Variants in SFMBT2 observed in about 807,000 individuals in gnomAD.
SFMBT2 encodes Scm like with four mbt domains 2.
Under a neutral mutation model 110.1 loss-of-function variants are expected in SFMBT2, and 38 were observed. That is an observed-to-expected ratio of 0.35 (90% CI 0.27 to 0.45). The LOEUF is 0.45. Among genes scored for constraint, SFMBT2 ranks in the 20% least tolerant of loss-of-function variants. The pLI, the probability that SFMBT2 is intolerant of heterozygous loss-of-function variation, is 1.00. For synonymous variants in SFMBT2, 425 were observed against 425.4 expected (o/e 1.00, Z 0.01); for missense variants, 1,011 against 1,094.9 (o/e 0.92, Z 1.08).
intron 4 of SFMBT2, among the ~76,000 whole-genome samples, chr10:7,340,300 A>G (rs920412576): frequency 6.6e-6 from 1 of 152,070 alleles, no homozygotes; most frequent in South Asian, 2.1e-4. Context: ...GGTGAGGAGG[A>G]GGAGGAGGAG....
chr10:7,317,349 G>A (rs182445287), intron 4 of SFMBT2, among the ~76,000 whole-genome samples: 176 of 152,148 alleles, frequency 1.2e-3, no homozygotes, highest in African/African-American at 3.9e-3. Flanking sequence ...AATTCCAAGC[G>A]AAGACATATC....
In SFMBT2 at chr10:7,370,346, A is replaced by G. The variant is rs1430987572; in HGVS notation, c.130T>C (p.Phe44Leu). ...EEGSSLEETG[F>L]NWGEYLEETG... ...TCTTCCAAATATTCTCCCCAGTTAA[A>G]GCCAGTTTCCTCCAAGCTTGAGCCT... The change falls in exon 3 of 21, where the codon TTT (phenylalanine) becomes CTT (leucine). Residue 44 changes from phenylalanine (F) to leucine (L), a missense_variant. Phe to Leu is a conservative substitution (Grantham distance 22, BLOSUM62 0). Around this residue, in one of 2 missense-constraint regions of SFMBT2, gnomAD observed 979 missense variants for 1,016.1 expected, o/e 0.96. Coordinates refer to ENST00000397167, the MANE Select transcript of SFMBT2 (RefSeq NM_001387889.1). 2.5e-6 allele frequency: 4 copies of G among 1,614,146 alleles called. No homozygotes were observed. Among genetic ancestry groups the G allele is most frequent in the Non-Finnish European group, 3.4e-6 (4 of 1,180,010 alleles).
chr10:7,370,519 G>C (rs1845032578), intron 2 of SFMBT2, 144 bp from the exon 3 acceptor site: 3 of 689,162 alleles, frequency 4.4e-6, no homozygotes, highest in Non-Finnish European at 7.3e-6. Flanking sequence ...TTTTTGCAAA[G>C]CTTCAGTCTG....
Position 7,202,511 on chromosome 10 carries a change from T to C in SFMBT2, c.1456A>G (p.Arg486Gly), listed in dbSNP as rs368500412. ...APHKTVSQKK[R>G]KIAVVQPEKQ... ...TCTGGTTGCACGACTGCAATCTTTC[T>C]CTTCTTTTGTGCTGTAGAAAAGGCA... Residue 486 changes from arginine (R) to glycine (G), a missense_variant, in exon 13 of 21, where the codon AGA becomes GGA. Arg to Gly is a moderately radical substitution (Grantham distance 125). This residue lies in a region of SFMBT2 where 979 missense variants were observed against 1,016.1 expected (regional missense o/e 0.96). Transcript: ENST00000397167. 3.0e-5 allele frequency: 48 copies of C among 1,614,098 alleles called. 1 individual carries two copies. The highest frequency in any genetic ancestry group is 2.0e-4 in the South Asian group (18 of 91,088).
Position 7,291,097 on chromosome 10 carries a change from G to A in SFMBT2, c.437-5143C>T, listed in dbSNP as rs182086160. On this transcript the variant is annotated intron_variant, in intron 4 of 20. Transcript: ENST00000397167. ...ACAAGGAGACCCATGCTGGGGTCAG[G>A]AGGACAAGCACTGTCAGCCTAGGCT... 2.6e-5 allele frequency among the ~76,000 whole-genome samples: 4 copies of A among 152,298 alleles called. No individual in the cohort carries two copies. The East Asian group carries it at 5.8e-4, about 22-fold the overall frequency.
At chr10:7,329,731 G>T (rs1843509538) in intron 4 of SFMBT2, 1 of 153,262 alleles carries the variant, frequency 6.5e-6, no homozygotes, top group Non-Finnish European at 1.4e-5. Context: ...ATGCAGCATG[G>T]CGGCCTCACA....
intron 1 of SFMBT2, among the ~76,000 whole-genome samples, chr10:7,389,059 T>G (rs377579381): frequency 2.0e-5 from 3 of 152,206 alleles, no homozygotes; most frequent in African/African-American, 7.2e-5. Flanking sequence ...GTTAACAAAA[T>G]GCAATCTTTT....
At chr10:7,187,446 G>A (rs937820312) in intron 16 of SFMBT2, among the ~76,000 whole-genome samples, 1 of 152,192 alleles carries the variant, frequency 6.6e-6, no homozygotes, top group Non-Finnish European at 1.5e-5. Flanking sequence ...TGAGAAAGAA[G>A]GAAATGATGA....
intron 2 of SFMBT2, among the ~76,000 whole-genome samples, chr10:7,374,959 C>T (rs1187882939): frequency 1.3e-5 from 2 of 152,128 alleles, no homozygotes; most frequent in Non-Finnish European, 2.9e-5. Context: ...CTCATAAACC[C>T]AGAGCAAATA....
chr10:7,203,999 G>A (rs558560229), intron 12 of SFMBT2: 293 of 236,518 alleles, frequency 1.2e-3, no homozygotes, highest in Non-Finnish European at 1.7e-3. Flanking sequence ...TTATAGACGT[G>A]AGCCACCACG....
intron 4 of SFMBT2, among the ~76,000 whole-genome samples, chr10:7,361,567 G>A (rs1844719901): frequency 6.6e-6 from 1 of 152,118 alleles, no homozygotes; most frequent in African/African-American, 2.4e-5. Flanking sequence ...CACACTTCAT[G>A]AATAAACATT....
Position 7,159,084 on chromosome 10 carries a change from T to C in SFMBT2, c.*4686A>G, listed in dbSNP as rs1332407608. On this transcript the variant is annotated 3_prime_UTR_variant, in exon 21 of 21. Transcript: ENST00000397167. ...AACGATTGTCCTAGAATTTTCCTTT[T>C]TTCGTCAGCACATCGCTTCAGCCAC... The C allele has an allele frequency of 4.6e-5, 7 of 152,226 alleles. No homozygotes were observed. The highest frequency in any genetic ancestry group is 4.1e-4 in the South Asian group (2 of 4,834). The allele number at this position is 152,226 out of a possible 1,614,324, so 9.4% of individuals were successfully genotyped here.
In SFMBT2 at chr10:7,162,411, G is replaced by A. The variant is rs1033564083; in HGVS notation, c.*1359C>T. On this transcript the variant is annotated 3_prime_UTR_variant, in exon 21 of 21. Coordinates refer to ENST00000397167, the MANE Select transcript of SFMBT2 (RefSeq NM_001387889.1). Reference sequence around the variant, plus strand: ...CAGGAATGGAGGTCCAGAGTGATGAGAAGTCACCCAAGATCTCAGAGTTTG... The same window carrying A: ...CAGGAATGGAGGTCCAGAGTGATGAAAAGTCACCCAAGATCTCAGAGTTTG... 9 of 152,322 alleles carry A rather than the reference G, an allele frequency of 5.9e-5. No individual in the cohort carries two copies. Among genetic ancestry groups the A allele is most frequent in the Non-Finnish European group, 8.8e-5 (6 of 68,082 alleles). 9.4% of individuals were successfully genotyped at this position (152,322 alleles called of 1,614,324 possible). A position where few individuals can be genotyped will look rare whatever the true frequency, so the allele number is the denominator to read the frequency against.
Position 7,162,148 on chromosome 10 carries a change from T to G in SFMBT2, c.*1622A>C, listed in dbSNP as rs528873684. On this transcript the variant is annotated 3_prime_UTR_variant, in exon 21 of 21. Transcript: ENST00000397167. ...CCAGCCAACTCTCGCAGCCACAGCT[T>G]TGTCTGCACGTGACCTGGCGGATTT... is the stretch of plus-strand genomic sequence containing the variant. 6.6e-6 allele frequency: 1 copy of G among 152,276 alleles called. No individual in the cohort carries two copies. Among genetic ancestry groups the G allele is most frequent in the African/African-American group, 2.4e-5 (1 of 41,500 alleles). The allele number at this position is 152,276 out of a possible 1,614,324, so 9.4% of individuals were successfully genotyped here.
At chr10:7,385,702 C>T (rs1052368955) in intron 1 of SFMBT2, among the ~76,000 whole-genome samples, 3 of 152,126 alleles carry the variant, frequency 2.0e-5, no homozygotes, top group East Asian at 1.9e-4. Flanking sequence ...GATTCCAGTA[C>T]GAAAGCCCCT....
intron 20 of SFMBT2, among the ~76,000 whole-genome samples, chr10:7,167,409 A>G (rs1466987437): frequency 1.3e-5 from 2 of 152,232 alleles, no homozygotes; most frequent in African/African-American, 2.4e-5. Context: ...TAAAAGGCAC[A>G]GACGCTGGTC....
intron 7 of SFMBT2, among the ~76,000 whole-genome samples, chr10:7,276,245 C>G (rs1367586161): frequency 6.6e-6 from 1 of 152,130 alleles, no homozygotes; most frequent in East Asian, 1.9e-4. Context: ...ACTGAACCAC[C>G]ACGAGATGAG....
At chr10:7,185,188 A>C (rs1408243259) in intron 16 of SFMBT2, among the ~76,000 whole-genome samples, 6 of 152,248 alleles carry the variant, frequency 3.9e-5, no homozygotes. Context: ...GATCCAGTGA[A>C]TTTAGGTACA....
Position 7,163,359 on chromosome 10 carries a change from T to A in SFMBT2, c.*411A>T, listed in dbSNP as rs1164690337. 1 of 166,962 alleles carries A rather than the reference T, an allele frequency of 6.0e-6. No homozygotes were observed. The highest frequency in any genetic ancestry group is 1.3e-5 in the Non-Finnish European group (1 of 77,762). The allele number at this position is 166,962 out of a possible 1,614,324, so 10.3% of individuals were successfully genotyped here. A position where few individuals can be genotyped will look rare whatever the true frequency, so the allele number is the denominator to read the frequency against. ...CCATGGGAAACTGCATATATAAATG[T>A]GCTCGTGTGATTACAGGAAACACTA... On this transcript the variant is annotated 3_prime_UTR_variant, in exon 21 of 21. Transcript: ENST00000397167. This position sits in a 1 kb window ranked among gnomAD's most constrained non-coding sequence, Gnocchi z 4.8.
Sources: gnomAD v4.1 joint callset for allele counts (sites outside exome capture counted in the v4.1 genomes callset) on GRCh38, gnomAD v4.1.1 for gene constraint, gnomAD v4.1.1 regional missense constraint, Gnocchi (gnomAD v3.1) non-coding constraint, MANE v1.5 for transcripts, NCBI Gene and HGNC (gene_info 2026-07-23, HGNC 2026-07-21) for gene names.